Variants in TOR3A observed in about 807,000 individuals in gnomAD.
TOR3A encodes torsin family 3 member A.
A neutral mutation model predicts 42.1 loss-of-function variants in TOR3A; 44 were observed. The observed-to-expected ratio is 1.04, with a 90% CI of 0.82 to 1.34. TOR3A has a LOEUF of 1.34. TOR3A is among the 40% of genes most tolerant of loss of function. The probability of loss-of-function intolerance (pLI) is 0.00; values close to 1 mark genes in which losing one functional copy is unlikely to be tolerated. For missense variants in TOR3A, 521 were observed against 507.6 expected (o/e 1.03, Z -0.25); for synonymous variants, 227 against 213.2 (o/e 1.06, Z -0.57).
Position 179,095,885 on chromosome 1 carries a change from T to C in TOR3A, c.*667T>C, listed in dbSNP as rs755037054. The C allele has an allele frequency of 6.0e-5, 59 of 983,924 alleles. No homozygotes were observed. Among genetic ancestry groups the C allele is most frequent in the African/African-American group, 7.1e-5 (4 of 56,618 alleles). 60.9% of individuals were successfully genotyped at this position (983,924 alleles called of 1,614,324 possible). On this transcript the variant is annotated 3_prime_UTR_variant, in exon 6 of 6. Coordinates refer to ENST00000367627, the MANE Select transcript of TOR3A (RefSeq NM_022371.4). ...CCAGGTCAGTGTAGGCCAAGACTTA[T>C]GGTCTACAGATTTTGGCGGGGGAGG...
At chr1:179,086,729 G>C (rs1172936774) in intron 3 of TOR3A, among the ~76,000 whole-genome samples, 1 of 151,098 alleles carries the variant, frequency 6.6e-6, no homozygotes, top group Admixed American at 6.6e-5. Context: ...ATGTCTTCCC[G>C]TATCAGCTTA....
rs1348283874 is a variant in TOR3A, at chr1:179,087,901, T to C, written c.640-10T>C. 5.8e-6 allele frequency: 9 copies of C among 1,563,788 alleles called. No individual in the cohort carries two copies. The African/African-American group carries it at 9.6e-5, about 17-fold the overall frequency. On this transcript the variant is annotated splice_polypyrimidine_tract_variant and intron_variant, in intron 3 of 5. Coordinates refer to ENST00000367627, the MANE Select transcript of TOR3A (RefSeq NM_022371.4). ...ACCACTTCCCCAGCTGCTCCCTATA[T>C]CCCGTGCAGGAGCAGCTGATGAGCC...
intron 3 of TOR3A, 107 bp from the exon 4 acceptor site, chr1:179,087,804 A>C: frequency 9.2e-7 from 1 of 1,089,000 alleles, no homozygotes; most frequent in Non-Finnish European, 1.3e-6. Context: ...GGGGTGGGGA[A>C]CCCAGCCCCA....
intron 5 of TOR3A, 85 bp downstream of exon 5, chr1:179,094,302 A>G: frequency 1.3e-6 from 2 of 1,511,994 alleles, no homozygotes; most frequent in South Asian, 2.6e-5. Flanking sequence ...TTTATGAAGC[A>G]GACAGGGTAC....
chr1:179,087,704 G>C (rs1240489153), intron 3 of TOR3A, among the ~76,000 whole-genome samples: 1 of 151,624 alleles, frequency 6.6e-6, no homozygotes, highest in Non-Finnish European at 1.5e-5. Flanking sequence ...AACCCTCAGG[G>C]TGCTTGAGAA....
In TOR3A at chr1:179,088,055, G is replaced by A. The variant is rs966740741; in HGVS notation, c.784G>A (p.Ala262Thr). ...ACGCCGGGCCCCTGAGGGCCACAGG[G>A]CTGAGTCTCCATGGACTATCTTTCT... ...LERRAPEGHR[A>T]ESPWTIFLFL... The change falls in exon 4 of 6, where the codon GCT becomes ACT. Residue 262 changes from alanine to threonine, a missense_variant. Coordinates refer to ENST00000367627, the MANE Select transcript of TOR3A (RefSeq NM_022371.4). 3.1e-6 allele frequency: 5 copies of A among 1,609,356 alleles called. No individual in the cohort carries two copies. Among genetic ancestry groups the A allele is most frequent in the Middle Eastern group, 1.7e-4 (1 of 6,032 alleles).
Position 179,087,956 on chromosome 1 carries a change from C to G in TOR3A, c.685C>G (p.Gln229Glu), listed in dbSNP as rs1288361303. The change falls in exon 4 of 6, where the codon CAG becomes GAG. Residue 229 changes from glutamine (Q) to glutamate (E), a missense_variant. Physicochemically the swap from Gln to Glu is conservative, Grantham distance 29. Transcript: ENST00000367627. The stretch of plus-strand genomic sequence containing the variant: ...CCGGGAGACGCAGCAGCTCTGCCAC[C>G]AGACCCTGTTCATCTTCGATGAAGC... ...QIRETQQLCHQTLFIFDEAEK... is the reference protein window; with the variant it reads ...QIRETQQLCHETLFIFDEAEK... 1.9e-6 allele frequency: 3 copies of G among 1,611,090 alleles called. No homozygotes were observed. The highest frequency in any genetic ancestry group is 1.3e-5 in the African/African-American group (1 of 74,810).
At chr1:179,091,576 G>A (rs1652581297) in intron 4 of TOR3A, 1 of 152,262 alleles carries the variant, frequency 6.6e-6, no homozygotes, top group Admixed American at 6.5e-5. Context: ...AAGGCTGAGT[G>A]CCTGATACGC....
rs369633029 is a variant in TOR3A at position 179,087,967 on chromosome 1, C to G, written c.696C>G (p.Phe232Leu). 1.1e-5 allele frequency: 17 copies of G among 1,612,492 alleles called. No individual in the cohort carries two copies. Among genetic ancestry groups the G allele is most frequent in the Non-Finnish European group, 5.9e-6 (7 of 1,179,340 alleles). The change falls in exon 4 of 6, where the codon TTC (phenylalanine) becomes TTG (leucine). Residue 232 changes from phenylalanine to leucine, a missense_variant. Coordinates refer to ENST00000367627, the MANE Select transcript of TOR3A (RefSeq NM_022371.4). ...ETQQLCHQTL[F>L]IFDEAEKLHP... ...AGCAGCTCTGCCACCAGACCCTGTT[C>G]ATCTTCGATGAAGCGGAGAAGCTGC... is the stretch of plus-strand genomic sequence containing the variant.
rs1249245549 is a variant in TOR3A at position 179,095,307 on chromosome 1, G to A, written c.*89G>A. The stretch of plus-strand genomic sequence containing the variant: ...AGCACCCCGTTTGGGACTGTGAGGT[G>A]TTTGAGGGTGTGGACTGGCATCCAG... On this transcript the variant is annotated 3_prime_UTR_variant, in exon 6 of 6. Coordinates refer to ENST00000367627, the MANE Select transcript of TOR3A (RefSeq NM_022371.4). The A allele has an allele frequency of 1.3e-6, 2 of 1,566,464 alleles. No individual in the cohort carries two copies. Among genetic ancestry groups the A allele is most frequent in the Non-Finnish European group, 1.7e-6 (2 of 1,158,988 alleles).
Position 179,083,023 on chromosome 1 carries a change from G to C in TOR3A, c.343G>C (p.Gly115Arg). ...CAGCTTCAAAGACTGCTGCCCTAGAGGGGATTGCAGAATCTCCAACAACTT... is the reference window on the plus strand; with the variant it reads ...CAGCTTCAAAGACTGCTGCCCTAGACGGGATTGCAGAATCTCCAACAACTT... ...YCSFKDCCPRGDCRISNNFTG... is the reference protein window; with the variant it reads ...YCSFKDCCPRRDCRISNNFTG... Residue 115 changes from glycine to arginine, a missense_variant, in exon 2 of 6, where the codon GGG (glycine) becomes CGG (arginine). By Grantham distance (125) the Gly-to-Arg change is moderately radical. Coordinates refer to ENST00000367627, the MANE Select transcript of TOR3A (RefSeq NM_022371.4). The C allele has an allele frequency of 6.4e-7, 1 of 1,570,948 alleles. No individual in the cohort carries two copies. The highest frequency in any genetic ancestry group is 1.2e-5 in the South Asian group (1 of 84,214).
At position 179,094,167 on chromosome 1, in the gene TOR3A, C is replaced by T. The variant is rs117703516; in HGVS notation, c.893C>T (p.Thr298Met). Reference protein sequence around the residue: ...LKAGWSREEITMEHLEPHLQA... With the variant: ...LKAGWSREEIMMEHLEPHLQA... ...GCTGGATGGTCCCGGGAAGAAATTACGATGGAACACCTGGAGCCCCACCTC... is the reference window on the plus strand; with the variant it reads ...GCTGGATGGTCCCGGGAAGAAATTATGATGGAACACCTGGAGCCCCACCTC... The change falls in exon 5 of 6, where the codon ACG becomes ATG. Residue 298 changes from threonine (T) to methionine (M), a missense_variant. Transcript: ENST00000367627. 4.9e-5 allele frequency: 79 copies of T among 1,614,010 alleles called. No individual in the cohort carries two copies. The East Asian group carries it at 1.6e-3, about 32-fold the overall frequency.
rs752430978 is a variant in TOR3A at position 179,087,916 on chromosome 1, G to A, written c.645G>A (p.Gln215=). 3 of 1,585,164 alleles carry A rather than the reference G, an allele frequency of 1.9e-6. No homozygotes were observed. The highest frequency in any genetic ancestry group is 2.7e-5 in the African/African-American group (2 of 73,868). The part of the protein sequence containing the change: ...HPKYVDLYKE[Q]LMSQIRETQQ... ...GCTCCCTATATCCCGTGCAGGAGCA[G>A]CTGATGAGCCAGATCCGGGAGACGC... Residue 215 remains glutamine (Q), a synonymous_variant, in exon 4 of 6, where the codon CAG becomes CAA. Coordinates refer to ENST00000367627, the MANE Select transcript of TOR3A (RefSeq NM_022371.4).
At chr1:179,084,535 C>T (rs1412502277) in intron 2 of TOR3A, among the ~76,000 whole-genome samples, 3 of 152,072 alleles carry the variant, frequency 2.0e-5, no homozygotes, top group African/African-American at 7.2e-5. Context: ...GTTTCCTCAG[C>T]TTTAAATGGG....
rs1652672924 is a variant in TOR3A, at chr1:179,094,199, G to A, written c.925G>A (p.Glu309Lys). The change falls in exon 5 of 6, where the codon GAG becomes AAG. Residue 309 changes from glutamate (E) to lysine (K), a missense_variant. Transcript: ENST00000367627. ...MEHLEPHLQA[E>K]IVETIDNGFG... The stretch of plus-strand genomic sequence containing the variant: ...ACACCTGGAGCCCCACCTCCAGGCG[G>A]AGATTGTGGAGACCATAGGTGAGTA... 6.2e-7 allele frequency: 1 copy of A among 1,613,750 alleles called. No individual in the cohort carries two copies. Among genetic ancestry groups the A allele is most frequent in the African/African-American group, 1.3e-5 (1 of 74,908 alleles).
intron 2 of TOR3A, among the ~76,000 whole-genome samples, chr1:179,085,026 C>A (rs989871555): frequency 6.6e-6 from 1 of 152,240 alleles, no homozygotes; most frequent in Non-Finnish European, 1.5e-5. Flanking sequence ...GGACAGGGTT[C>A]CTCCCTAGAC....
chr1:179,092,342 A>G (rs1652613519), intron 4 of TOR3A, among the ~76,000 whole-genome samples: 1 of 152,116 alleles, frequency 6.6e-6, no homozygotes, highest in Non-Finnish European at 1.5e-5. Context: ...GTAAGGAGGG[A>G]AAGAGATGGA....
At chr1:179,090,573 T>C (rs1453025860) in intron 4 of TOR3A, among the ~76,000 whole-genome samples, 1 of 152,222 alleles carries the variant, frequency 6.6e-6, no homozygotes, top group Admixed American at 6.5e-5. Flanking sequence ...ATCCTAAACC[T>C]GCTGTTTGAA....
At chr1:179,086,962 A>T (rs1652453609) in intron 3 of TOR3A, among the ~76,000 whole-genome samples, 1 of 152,208 alleles carries the variant, frequency 6.6e-6, no homozygotes, top group South Asian at 2.1e-4. Flanking sequence ...GGCAGTTTCC[A>T]TATGGCTTTG....
Sources: allele counts gnomAD v4.1 joint callset (sites outside exome capture counted in the v4.1 genomes callset), GRCh38; gene constraint gnomAD v4.1.1; transcripts MANE v1.5; gene names NCBI Gene and HGNC (gene_info 2026-07-23, HGNC 2026-07-21).